SRR: variants seen among roughly 807,000 people sequenced by gnomAD.
SRR encodes the protein serine racemase.
In SRR, 19 loss-of-function variants were observed where a neutral mutation model predicts 32.7. That is an observed-to-expected ratio of 0.58 (90% CI 0.40 to 0.85). SRR has a LOEUF of 0.85. SRR is among the 40% of genes least tolerant of loss of function. The pLI is 0.00. For missense variants in SRR, 373 were observed against 404.7 expected, an observed-to-expected ratio of 0.92 and a Z score of 0.67; for synonymous variants, 142 against 140.9, an observed-to-expected ratio of 1.01 and a Z score of -0.06.
chr17:2,303,393 A>C (rs2075331245), upstream of SRR: 1 of 1,241,614 alleles, frequency 8.1e-7, no homozygotes, highest in Non-Finnish European at 1.0e-6. Context: ...GGCGAGAAAG[A>C]GGGTGGAGGC....
At chr17:2,320,251 CTTTT>C (rs35025479) in intron 4 of SRR, among the ~76,000 whole-genome samples, 39 of 76,740 alleles carry the variant, frequency 5.1e-4, no homozygotes, top group Non-Finnish European at 6.0e-4. Flanking sequence ...CATCTCTCAT[CTTTT>C]TTTTTTTTTT....
chr17:2,320,525 A>G (rs1444861514), intron 4 of SRR, among the ~76,000 whole-genome samples: 1 of 151,150 alleles, frequency 6.6e-6, no homozygotes, highest in African/African-American at 2.4e-5. Flanking sequence ...AAGTGCTGGG[A>G]TTACAAGTGT....
In SRR at chr17:2,323,105, T is replaced by C. The variant is rs201269732; in HGVS notation, c.595-31T>C. 5 of 1,608,852 alleles carry C rather than the reference T, an allele frequency of 3.1e-6. No individual in the cohort carries two copies. The East Asian group carries it at 1.1e-4, about 36-fold the overall frequency. On this transcript the variant is annotated intron_variant, in intron 6 of 7. Coordinates refer to ENST00000344595, the MANE Select transcript of SRR (RefSeq NM_021947.3). ...ACATGCAGGCAATGTTGTGGTTTGTTGTTAAGATGTCTTAATATTCCTCTT... is the reference window on the plus strand; with the variant it reads ...ACATGCAGGCAATGTTGTGGTTTGTCGTTAAGATGTCTTAATATTCCTCTT...
At chr17:2,313,683 CCA>C (rs1402112365) in intron 1 of SRR, among the ~76,000 whole-genome samples, 1 of 151,994 alleles carries the variant, frequency 6.6e-6, no homozygotes, top group Non-Finnish European at 1.5e-5. Context: ...TTGCAGTGAG[CCA>C]CAGTCATGCC....
rs1371248402 is a variant in SRR at position 2,323,851 on chromosome 17, C to T, written c.1001C>T (p.Ser334Phe). The change falls in exon 8 of 8, where the codon TCT becomes TTT. Residue 334 changes from serine (S) to phenylalanine (F), a missense_variant. Transcript: ENST00000344595. ...TWVKQAERPA[S>F]YQSVSV is the part of the protein sequence containing the mutation. ...GTGAAGCAGGCTGAAAGGCCAGCTT[C>T]TTATCAGTCTGTTTCTGTTTAATTT... The T allele has an allele frequency of 6.2e-7, 1 of 1,614,096 alleles. No individual in the cohort carries two copies. The highest frequency in any genetic ancestry group is 1.1e-5 in the South Asian group (1 of 91,060).
At chr17:2,322,510 T>G (rs2075538438) in intron 6 of SRR, 1 of 152,214 alleles carries the variant, frequency 6.6e-6, no homozygotes, top group Non-Finnish European at 1.5e-5. Flanking sequence ...CTATTTTCTT[T>G]TTTTTTTTGA....
Position 2,321,437 on chromosome 17 carries a change from G to C in SRR, c.519+12G>C. The C allele has an allele frequency of 6.2e-7, 1 of 1,611,668 alleles. No individual in the cohort carries two copies. Among genetic ancestry groups the C allele is most frequent in the South Asian group, 1.1e-5 (1 of 90,790 alleles). On this transcript the variant is annotated intron_variant, in intron 5 of 7. Transcript: ENST00000344595. ...AAGTGCTGAACCAGGTAAAATAGCTGAGTTCTTCCTGTTTAGCTACTGGTA... is the reference window on the plus strand; with the variant it reads ...AAGTGCTGAACCAGGTAAAATAGCTCAGTTCTTCCTGTTTAGCTACTGGTA...
Position 2,324,533 on chromosome 17 carries a change from C to T in SRR, c.*660C>T, listed in dbSNP as rs2075562594. 1 of 1,614,250 alleles carries T rather than the reference C, an allele frequency of 6.2e-7. No homozygotes were observed. Among genetic ancestry groups the T allele is most frequent in the Non-Finnish European group, 8.5e-7 (1 of 1,180,038 alleles). On this transcript the variant is annotated 3_prime_UTR_variant, in exon 8 of 8. Coordinates refer to ENST00000344595, the MANE Select transcript of SRR (RefSeq NM_021947.3). ...AGGTTCCTTGATATGTCCTCTCCGG[C>T]CCCACTTCGTTCTCAGTTCCACTGG...
In SRR at chr17:2,321,332, T is replaced by TA; in HGVS notation, c.427dup (p.Thr143AsnfsTer56). 1 of 1,613,638 alleles carries TA rather than the reference T, an allele frequency of 6.2e-7. No individual in the cohort carries two copies. The highest frequency in any genetic ancestry group is 2.2e-5 in the East Asian group (1 of 44,864). On this transcript the variant is annotated frameshift_variant, in exon 5 of 8. Coordinates refer to ENST00000344595, the MANE Select transcript of SRR (RefSeq NM_021947.3). LOFTEE classifies it high-confidence loss of function. The stretch of plus-strand genomic sequence containing the variant: ...CCAGAGAAAATGTTGCAAAAAGAGT[T>TA]ACAGAAGAAACAGAAGGCATCATGG...
At position 2,317,671 on chromosome 17, in the gene SRR, G is replaced by A. The variant is rs532842977; in HGVS notation, c.169-199G>A. Among the ~76,000 whole-genome samples the A allele has an allele frequency of 1.6e-4, 25 of 152,170 alleles. 1 individual carries two copies. Among genetic ancestry groups the A allele is most frequent in the African/African-American group, 6.0e-4 (25 of 41,544 alleles). Reference sequence around the variant, plus strand: ...TGCAGTAAGCCGAGATCGTGGCACTGCACTCCAGCCGGGATAACGGAGACT... The same window carrying A: ...TGCAGTAAGCCGAGATCGTGGCACTACACTCCAGCCGGGATAACGGAGACT... On this transcript the variant is annotated intron_variant, in intron 2 of 7. Coordinates refer to ENST00000344595, the MANE Select transcript of SRR (RefSeq NM_021947.3).
rs186118106 is a variant in SRR at position 2,323,117 on chromosome 17, T to C, written c.595-19T>C. The C allele has an allele frequency of 6.3e-5, 102 of 1,613,360 alleles. No homozygotes were observed. Among genetic ancestry groups the C allele is most frequent in the Middle Eastern group, 5.0e-4 (3 of 6,058 alleles). On this transcript the variant is annotated intron_variant, in intron 6 of 7. Transcript: ENST00000344595. ...TGTTGTGGTTTGTTGTTAAGATGTC[T>C]TAATATTCCTCTTCCCAGGCTCTGA...
intron 2 of SRR, among the ~76,000 whole-genome samples, chr17:2,316,202 G>A (rs567958994): frequency 4.3e-4 from 66 of 152,246 alleles, no homozygotes; most frequent in African/African-American, 1.5e-3. Flanking sequence ...AGGGTTTGCA[G>A]CCTAGGAGTA....
chr17:2,311,314 C>T (rs1027782334), intron 1 of SRR, among the ~76,000 whole-genome samples: 3 of 151,896 alleles, frequency 2.0e-5, no homozygotes, highest in South Asian at 2.1e-4. Context: ...TGTGCCCAGC[C>T]GAGGGGGCAT....
At chr17:2,307,850 G>T (rs2075403578) in intron 1 of SRR, 1 of 649,658 alleles carries the variant, frequency 1.5e-6, no homozygotes, top group Non-Finnish European at 2.8e-6. Context: ...ATATGTTTTA[G>T]ACAAATACTC....
chr17:2,307,110 A>G, intron 1 of SRR: 1 of 1,122,334 alleles, frequency 8.9e-7, no homozygotes, highest in Non-Finnish European at 1.3e-6. Flanking sequence ...AAGACACTGA[A>G]GAATATCACC....
chr17:2,318,624 T>A (rs907173360), intron 3 of SRR, among the ~76,000 whole-genome samples: 2 of 122,634 alleles, frequency 1.6e-5, no homozygotes, highest in African/African-American at 3.8e-5. Context: ...TGGCTATTTT[T>A]TTTTTTTTTT....
chr17:2,303,870 T>G (rs1277378116), upstream of SRR: 6 of 450,944 alleles, frequency 1.3e-5, no homozygotes, highest in East Asian at 1.7e-4. Context: ...GTGGCCGCGC[T>G]GGGAGGAAAA....
intron 4 of SRR, among the ~76,000 whole-genome samples, chr17:2,319,456 T>C (rs1482680527): frequency 6.6e-6 from 1 of 152,122 alleles, no homozygotes; most frequent in Admixed American, 6.6e-5. Flanking sequence ...ACCTAATTCC[T>C]TTATTTTTTG....
In SRR at chr17:2,321,751, G is replaced by C. The variant is rs1173209883; in HGVS notation, c.594+135G>C. The C allele has an allele frequency of 2.3e-5, 17 of 745,678 alleles. No homozygotes were observed. In the South Asian group the frequency reaches 2.8e-4, roughly 12 times the overall value. The allele number at this position is 745,678 out of a possible 1,614,324, so 46.2% of individuals were successfully genotyped here. Reference sequence around the variant, plus strand: ...TTATTCCTTTGGGACTTGAGATGAAGGCCCATCTCTGCCTCACTACTCTAT... The same window carrying C: ...TTATTCCTTTGGGACTTGAGATGAACGCCCATCTCTGCCTCACTACTCTAT... On this transcript the variant is annotated intron_variant, in intron 6 of 7. Coordinates refer to ENST00000344595, the MANE Select transcript of SRR (RefSeq NM_021947.3).
Sources: allele counts gnomAD v4.1 joint callset (sites outside exome capture counted in the v4.1 genomes callset), GRCh38; gene constraint gnomAD v4.1.1; transcripts MANE v1.5; gene names NCBI Gene and HGNC (gene_info 2026-07-23, HGNC 2026-07-21).